Variants in TMEM52B observed in about 807,000 individuals in gnomAD.
TMEM52B encodes the protein transmembrane protein 52B.
Under a neutral mutation model 16.1 loss-of-function variants are expected in TMEM52B, and 11 were observed. The ratio of observed to expected loss-of-function variants is 0.68; its 90% confidence interval spans 0.43 to 1.13. The LOEUF (loss-of-function observed/expected upper bound fraction) is 1.13. TMEM52B is among the 50% of genes most tolerant of loss of function. The pLI, the probability that TMEM52B is intolerant of heterozygous loss-of-function variation, is 0.00. For missense variants in TMEM52B, 243 were observed against 230.4 expected (o/e 1.05, Z -0.35); for synonymous variants, 101 against 93.8 (o/e 1.08, Z -0.45).
chr12:10,181,621 C>T (rs147831942), intron 1 of TMEM52B, among the ~76,000 whole-genome samples: 1,994 of 152,038 alleles, frequency 0.013, 28 homozygotes, highest in African/African-American at 0.046. Flanking sequence ...AGCCACCACG[C>T]CTGGCCTGGT....
intron 1 of TMEM52B, 56 bp downstream of exon 1, chr12:10,179,684 T>G: frequency 6.2e-7 from 1 of 1,603,456 alleles, no homozygotes; most frequent in Non-Finnish European, 8.5e-7. Context: ...TAATCAACTC[T>G]CAGAAGAGTC....
rs769655936 is a variant in TMEM52B, at chr12:10,189,918, T to G, written c.330T>G (p.Pro110=). The G allele has an allele frequency of 1.2e-6, 2 of 1,613,912 alleles. No homozygotes were observed. Among genetic ancestry groups the G allele is most frequent in the African/African-American group, 2.7e-5 (2 of 74,928 alleles). ...TITSLQSVFG[P]AARRILAVAH... ...CAGCTCTGCAGTCGGTGTTTGGCCC[T>G]GCAGCTCGGAGGATCCTGGCTGTGG... The change falls in exon 5 of 5, where the codon CCT becomes CCG. Residue 110 remains proline (P), a synonymous_variant. Coordinates refer to ENST00000543484, the MANE Select transcript of TMEM52B (RefSeq NM_001384896.1).
At chr12:10,177,272 C>T (rs1247402840), upstream of TMEM52B, among the ~76,000 whole-genome samples, 1 of 152,146 alleles carries the variant, frequency 6.6e-6, no homozygotes, top group African/African-American at 2.4e-5. Context: ...AAAAGACTGT[C>T]AGTGCTCATT....
At chr12:10,182,978 A>G (rs1948840714) in intron 2 of TMEM52B, among the ~76,000 whole-genome samples, 1 of 152,170 alleles carries the variant, frequency 6.6e-6, no homozygotes, top group Non-Finnish European at 1.5e-5. Flanking sequence ...ATTACTTTAA[A>G]TTGGGAAAGT....
Position 10,190,309 on chromosome 12 carries a change from C to A in TMEM52B, c.*169C>A. The A allele has an allele frequency of 1.1e-6, 1 of 879,342 alleles. No individual in the cohort carries two copies. Among genetic ancestry groups the A allele is most frequent in the Non-Finnish European group, 1.7e-6 (1 of 593,154 alleles). 54.5% of individuals were successfully genotyped at this position (879,342 alleles called of 1,614,324 possible). On this transcript the variant is annotated 3_prime_UTR_variant, in exon 5 of 5. Transcript: ENST00000543484. Reference sequence around the variant, plus strand: ...TCACAGGCCTTTATATCTTCCGATACAGAATGCTCTAATTGGGAACTCTAA... The same window carrying A: ...TCACAGGCCTTTATATCTTCCGATAAAGAATGCTCTAATTGGGAACTCTAA...
At chr12:10,174,982 A>G (rs1275338575), upstream of TMEM52B, among the ~76,000 whole-genome samples, 1 of 152,144 alleles carries the variant, frequency 6.6e-6, no homozygotes, top group African/African-American at 2.4e-5. Flanking sequence ...TTATTTATCC[A>G]TTGATGGACG....
Position 10,185,360 on chromosome 12 carries a change from G to T in TMEM52B, c.129G>T (p.Trp43Cys). Reference sequence around the variant, plus strand: ...TGACCACAGACTGGGTACATCTCTGGTATATATGGTAAGTTTCACTTATAA... The same window carrying T: ...TGACCACAGACTGGGTACATCTCTGTTATATATGGTAAGTTTCACTTATAA... Reference protein sequence around the residue: ...HCLTTDWVHLWYIWLLVVIGA... With the variant: ...HCLTTDWVHLCYIWLLVVIGA... Residue 43 changes from tryptophan to cysteine, a missense_variant, in exon 3 of 5, where the codon TGG (tryptophan) becomes TGT (cysteine). Coordinates refer to ENST00000543484, the MANE Select transcript of TMEM52B (RefSeq NM_001384896.1). 5 of 1,607,628 alleles carry T rather than the reference G, an allele frequency of 3.1e-6. No individual in the cohort carries two copies. The highest frequency in any genetic ancestry group is 4.3e-6 in the Non-Finnish European group (5 of 1,174,154).
At chr12:10,171,420 C>T (rs1948715654) in intron 1 of TMEM52B, among the ~76,000 whole-genome samples, 1 of 152,140 alleles carries the variant, frequency 6.6e-6, no homozygotes, top group Admixed American at 6.5e-5. Context: ...TACAATTTTT[C>T]AAAGCAGTAG....
In TMEM52B at chr12:10,185,344, A is replaced by T. The variant is rs780959435; in HGVS notation, c.113A>T (p.Asp38Val). The change falls in exon 3 of 5, where the codon GAC becomes GTC. Residue 38 changes from aspartate (D) to valine (V), a missense_variant. Coordinates refer to ENST00000543484, the MANE Select transcript of TMEM52B (RefSeq NM_001384896.1). ...CGNPEHCLTT[D>V]WVHLWYIWLL... Reference sequence around the variant, plus strand: ...TTTCTTTATAGTTGCCTGACCACAGACTGGGTACATCTCTGGTATATATGG... The same window carrying T: ...TTTCTTTATAGTTGCCTGACCACAGTCTGGGTACATCTCTGGTATATATGG... 3 of 1,607,368 alleles carry T rather than the reference A, an allele frequency of 1.9e-6. No homozygotes were observed. The highest frequency in any genetic ancestry group is 2.6e-6 in the Non-Finnish European group (3 of 1,173,806).
At chr12:10,186,785 A>G (rs1430845422) in intron 4 of TMEM52B, among the ~76,000 whole-genome samples, 196 bp downstream of exon 4, 3 of 152,226 alleles carry the variant, frequency 2.0e-5, no homozygotes, top group Non-Finnish European at 2.9e-5. Flanking sequence ...TGTCTGGCTC[A>G]TGATAAAGAA....
In TMEM52B at chr12:10,190,331, CT is replaced by C; in HGVS notation, c.*192del. ...ATACAGAATGCTCTAATTGGGAACT[CT>C]AATTTTGTATCCAATGGCCAAAATC... On this transcript the variant is annotated 3_prime_UTR_variant, in exon 5 of 5. Transcript: ENST00000543484. 1.3e-6 allele frequency: 1 copy of C among 753,278 alleles called. No homozygotes were observed. Among genetic ancestry groups the C allele is most frequent in the Non-Finnish European group, 2.0e-6 (1 of 488,046 alleles). 46.7% of individuals were successfully genotyped at this position (753,278 alleles called of 1,614,324 possible).
chr12:10,183,821 G>A (rs1258342481), intron 2 of TMEM52B, among the ~76,000 whole-genome samples: 1 of 152,126 alleles, frequency 6.6e-6, no homozygotes, highest in African/African-American at 2.4e-5. Context: ...TGAAAAATTA[G>A]GGTACTCTTT....
In TMEM52B at chr12:10,186,438, C is replaced by G; in HGVS notation, c.156C>G (p.Gly52=). Residue 52 remains glycine (G), a synonymous_variant, in exon 4 of 5, where the codon GGC becomes GGG. Transcript: ENST00000543484. Reference sequence around the variant, plus strand: ...TTTGCAGGTTGCTAGTGGTAATTGGCGCGCTGCTTCTCCTGTGTGGCCTGA... The same window carrying G: ...TTTGCAGGTTGCTAGTGGTAATTGGGGCGCTGCTTCTCCTGTGTGGCCTGA... ...LWYIWLLVVI[G]ALLLLCGLTS... is the part of the protein sequence containing the mutation. 6.2e-7 allele frequency: 1 copy of G among 1,609,476 alleles called. No individual in the cohort carries two copies. The highest frequency in any genetic ancestry group is 1.1e-5 in the South Asian group (1 of 90,696).
At position 10,182,561 on chromosome 12, in the gene TMEM52B, G is replaced by A. The variant is rs948908699; in HGVS notation, c.66G>A (p.Thr22=). The A allele has an allele frequency of 1.5e-5, 23 of 1,535,290 alleles. No individual in the cohort carries two copies. Among genetic ancestry groups the A allele is most frequent in the Admixed American group, 7.9e-5 (4 of 50,938 alleles). The change falls in exon 2 of 5, where the codon ACG becomes ACA. Residue 22 remains threonine, a synonymous_variant. Coordinates refer to ENST00000543484, the MANE Select transcript of TMEM52B (RefSeq NM_001384896.1). Reference sequence around the variant, plus strand: ...TTCTCTTTCTACAGCTTTCTGGGACGAGATGTGAGGAAAACTGTGGTAATC... The same window carrying A: ...TTCTCTTTCTACAGCTTTCTGGGACAAGATGTGAGGAAAACTGTGGTAATC... ...ALLYFILLSG[T]RCEENCGNPE...
intron 4 of TMEM52B, among the ~76,000 whole-genome samples, chr12:10,188,535 AG>A (rs879747429): frequency 0.098 from 12,697 of 129,236 alleles, 796 homozygotes; most frequent in Non-Finnish European, 0.15. Context: ...GAAGGAAGGA[AG>A]GAAAAGAAGA....
At chr12:10,182,652 A>G in intron 2 of TMEM52B, 59 bp downstream of exon 2, 2 of 1,490,856 alleles carry the variant, frequency 1.3e-6, no homozygotes, top group South Asian at 1.3e-5. Flanking sequence ...CACTACCCCA[A>G]AAGAGAGTCA....
At chr12:10,178,104 C>T (rs1948781483), upstream of TMEM52B, among the ~76,000 whole-genome samples, 1 of 151,790 alleles carries the variant, frequency 6.6e-6, no homozygotes, top group Admixed American at 6.6e-5. Flanking sequence ...TCATGTTCTC[C>T]AGGCTGGTCT....
At position 10,179,528 on chromosome 12, in the gene TMEM52B, C is replaced by A; in HGVS notation, c.-47C>A. On this transcript the variant is annotated 5_prime_UTR_variant, in exon 1 of 5. Coordinates refer to ENST00000543484, the MANE Select transcript of TMEM52B (RefSeq NM_001384896.1). ...TATGGCACAGAGCATTGAAAGGAGG[C>A]AACGGATGCCCAGTGCAAGATTCTG... is the stretch of plus-strand genomic sequence containing the variant. 1 of 1,603,828 alleles carries A rather than the reference C, an allele frequency of 6.2e-7. No individual in the cohort carries two copies. Among genetic ancestry groups the A allele is most frequent in the Non-Finnish European group, 8.5e-7 (1 of 1,170,598 alleles).
chr12:10,174,407 T>C (rs116282404), upstream of TMEM52B, among the ~76,000 whole-genome samples: 1,257 of 152,288 alleles, frequency 8.3e-3, 21 homozygotes, highest in African/African-American at 0.028. Flanking sequence ...GACAGGATGC[T>C]TTTAAATGAG....
Sources: gnomAD v4.1 joint callset for allele counts (sites outside exome capture counted in the v4.1 genomes callset) on GRCh38, gnomAD v4.1.1 for gene constraint, MANE v1.5 for transcripts, NCBI Gene and HGNC (gene_info 2026-07-23, HGNC 2026-07-21) for gene names.